Variants in UBE2E2 observed in about 807,000 individuals in gnomAD.
UBE2E2 encodes the protein ubiquitin-conjugating enzyme E2 E2.
A neutral mutation model predicts 24.7 loss-of-function variants in UBE2E2; 6 were observed. That is an observed-to-expected ratio of 0.24 (90% CI 0.13 to 0.48). The LOEUF is 0.48. Among genes scored for constraint, UBE2E2 ranks in the 20% least tolerant of loss-of-function variants. The probability of loss-of-function intolerance (pLI) is 0.99; values close to 1 mark genes in which losing one functional copy is unlikely to be tolerated. For synonymous variants in UBE2E2, 104 were observed against 83.6 expected (o/e 1.24, Z -1.33); for missense variants, 169 against 245.0 (o/e 0.69, Z 2.07).
chr3:23,446,606 C>T (rs1054754370), intron 3 of UBE2E2, among the ~76,000 whole-genome samples: 25 of 151,658 alleles, frequency 1.6e-4, no homozygotes, highest in African/African-American at 6.1e-4. Flanking sequence ...ATATCAGTAG[C>T]TGAGTACCAA....
At chr3:23,209,144 G>A (rs1696243220) in intron 2 of UBE2E2, among the ~76,000 whole-genome samples, 1 of 152,134 alleles carries the variant, frequency 6.6e-6, no homozygotes, top group Non-Finnish European at 1.5e-5. Flanking sequence ...TATACAGGGT[G>A]TGTATGTAAA....
intron 3 of UBE2E2, among the ~76,000 whole-genome samples, chr3:23,332,983 A>G (rs756427535): frequency 7.9e-5 from 12 of 152,188 alleles, no homozygotes; most frequent in Non-Finnish European, 1.8e-4. Flanking sequence ...AAAAGCCTCT[A>G]TTTTGAAGCA....
intron 3 of UBE2E2, among the ~76,000 whole-genome samples, chr3:23,399,474 A>G (rs1347576609): frequency 1.3e-5 from 2 of 152,208 alleles, no homozygotes; most frequent in African/African-American, 4.8e-5. Context: ...AGGAGGTTTC[A>G]TCATGCTACT....
rs549657443 is a variant in UBE2E2, at chr3:23,495,218, C to G, written c.228-4390C>G. Among the ~76,000 whole-genome samples the G allele has an allele frequency of 2.0e-5, 3 of 152,286 alleles. No homozygotes were observed. In the East Asian group the frequency reaches 5.8e-4, roughly 29 times the overall value. On this transcript the variant is annotated intron_variant, in intron 3 of 5. Transcript: ENST00000396703. ...TGTTAATAACTACATAGACAGCTGA[C>G]TGACTTCAAAGAACCAATAAAACTT...
chr3:23,265,056 T>G (rs1559324801), intron 3 of UBE2E2, among the ~76,000 whole-genome samples: 1 of 152,106 alleles, frequency 6.6e-6, no homozygotes, highest in Non-Finnish European at 1.5e-5. Context: ...AACCTCTCTG[T>G]GTAGAAATGT....
At chr3:23,556,420 C>T (rs1173324386) in intron 5 of UBE2E2, among the ~76,000 whole-genome samples, 42 of 128,732 alleles carry the variant, frequency 3.3e-4, no homozygotes, top group Non-Finnish European at 5.6e-4. Flanking sequence ...GGATTACAGG[C>T]GTGAGCCACC....
At chr3:23,424,531 C>G (rs1697880143) in intron 3 of UBE2E2, among the ~76,000 whole-genome samples, 1 of 148,376 alleles carries the variant, frequency 6.7e-6, no homozygotes, top group African/African-American at 2.5e-5. Context: ...AAATTTAATT[C>G]TGCTTGGATT....
intron 3 of UBE2E2, among the ~76,000 whole-genome samples, chr3:23,428,807 C>T (rs931380718): frequency 2.0e-5 from 3 of 151,334 alleles, no homozygotes; most frequent in African/African-American, 4.9e-5. Flanking sequence ...AAAAAATAGC[C>T]TGGTGCCACC....
At chr3:23,315,563 T>C (rs1694550757) in intron 3 of UBE2E2, among the ~76,000 whole-genome samples, 1 of 152,206 alleles carries the variant, frequency 6.6e-6, no homozygotes, top group African/African-American at 2.4e-5. Context: ...TTAAATTCTT[T>C]TGTATGAATC....
At chr3:23,503,731 G>C (rs914787747) in intron 4 of UBE2E2, among the ~76,000 whole-genome samples, 1 of 151,876 alleles carries the variant, frequency 6.6e-6, no homozygotes, top group Non-Finnish European at 1.5e-5. Flanking sequence ...ACTCACACTT[G>C]TAATTCCAGC....
At chr3:23,284,232 A>C (rs138144776) in intron 3 of UBE2E2, among the ~76,000 whole-genome samples, 1 of 152,230 alleles carries the variant, frequency 6.6e-6, no homozygotes, top group East Asian at 1.9e-4. Flanking sequence ...TAAATATTGC[A>C]TAATATTTAT....
chr3:23,473,613 G>C (rs1008166864), intron 3 of UBE2E2, among the ~76,000 whole-genome samples: 3 of 152,016 alleles, frequency 2.0e-5, no homozygotes, highest in Non-Finnish European at 4.4e-5. Context: ...AGTCCCCGAA[G>C]TCCACTGTGT....
rs565659546 is a variant in UBE2E2, at chr3:23,380,169, TC to T, written c.228-119438del. ...AATCATTTTGTTGAAATTGCTATAC[TC>T]TTGTGGTAGTGACTAACCATCACTA... On this transcript the variant is annotated intron_variant, in intron 3 of 5. Transcript: ENST00000396703. Among the ~76,000 whole-genome samples the T allele has an allele frequency of 2.5e-3, 378 of 151,688 alleles. 2 individuals are homozygous for T. The highest frequency in any genetic ancestry group is 8.8e-3 in the African/African-American group (363 of 41,368).
At chr3:23,277,963 T>C (rs1384950468) in intron 3 of UBE2E2, among the ~76,000 whole-genome samples, 1 of 152,156 alleles carries the variant, frequency 6.6e-6, no homozygotes, top group Non-Finnish European at 1.5e-5. Context: ...TTGGGCGTGA[T>C]ACCCATTTTA....
intron 4 of UBE2E2, among the ~76,000 whole-genome samples, chr3:23,516,817 GTT>G (rs2125471073): frequency 6.6e-6 from 1 of 152,158 alleles, no homozygotes; most frequent in Non-Finnish European, 1.5e-5. Context: ...TTAATTTAAA[GTT>G]TTACAACATC....
chr3:23,562,411 A>G (rs969628206), intron 5 of UBE2E2, among the ~76,000 whole-genome samples: 1 of 152,164 alleles, frequency 6.6e-6, no homozygotes, highest in African/African-American at 2.4e-5. Context: ...GCATCCCAGG[A>G]AAGAAGCCCA....
intron 3 of UBE2E2, among the ~76,000 whole-genome samples, chr3:23,353,628 C>A (rs1424186934): frequency 6.6e-6 from 1 of 152,112 alleles, no homozygotes; most frequent in Non-Finnish European, 1.5e-5. Context: ...AGTGAACTCC[C>A]ATTCACAGTT....
chr3:23,414,958 G>A (rs1697587229), intron 3 of UBE2E2, among the ~76,000 whole-genome samples: 1 of 152,196 alleles, frequency 6.6e-6, no homozygotes, highest in Non-Finnish European at 1.5e-5. Context: ...AGGTGTAGCA[G>A]CCGAAATGGA....
At chr3:23,295,130 G>A (rs1311195527) in intron 3 of UBE2E2, among the ~76,000 whole-genome samples, 5 of 152,112 alleles carry the variant, frequency 3.3e-5, no homozygotes, top group Non-Finnish European at 7.3e-5. Context: ...AAACACAGTG[G>A]AATGGATAGT....
Sources: gnomAD v4.1 joint callset for allele counts (sites outside exome capture counted in the v4.1 genomes callset) on GRCh38, gnomAD v4.1.1 for gene constraint, MANE v1.5 for transcripts, NCBI Gene and HGNC (gene_info 2026-07-23, HGNC 2026-07-21) for gene names.